Variants in GRIK1 observed in about 807,000 individuals in gnomAD.
The protein encoded by GRIK1 is glutamate receptor ionotropic, kainate 1.
GRIK1 carries 69 observed loss-of-function variants against 105.7 expected under a neutral mutation model. The observed-to-expected ratio is 0.65, with a 90% CI of 0.54 to 0.80. GRIK1 has a LOEUF of 0.80. Among genes scored for constraint, GRIK1 ranks in the 30% least tolerant of loss-of-function variants. The probability of loss-of-function intolerance (pLI) is 0.00; values close to 1 mark genes in which losing one functional copy is unlikely to be tolerated. For missense variants in GRIK1, 1,109 were observed against 1,167.3 expected, an observed-to-expected ratio of 0.95 and a Z score of 0.73; for synonymous variants, 438 against 431.3, an observed-to-expected ratio of 1.02 and a Z score of -0.19.
chr21:29,664,135 C>G (rs1048463017), intron 4 of GRIK1, among the ~76,000 whole-genome samples: 1 of 152,042 alleles, frequency 6.6e-6, no homozygotes, highest in South Asian at 2.1e-4. Flanking sequence ...GGGGGAAGAA[C>G]AAAGAGGATG....
chr21:29,735,929 G>T (rs796561991), intron 1 of GRIK1, among the ~76,000 whole-genome samples: 14 of 151,304 alleles, frequency 9.3e-5, no homozygotes, highest in African/African-American at 3.1e-4. Flanking sequence ...ATAAGTGAAA[G>T]AAGTTAAGCA....
At chr21:29,750,832 T>C (rs1469848027) in intron 1 of GRIK1, among the ~76,000 whole-genome samples, 1 of 152,006 alleles carries the variant, frequency 6.6e-6, no homozygotes, top group Non-Finnish European at 1.5e-5. Context: ...GGTTTGATAT[T>C]TTCACTCTCG....
intron 14 of GRIK1, among the ~76,000 whole-genome samples, chr21:29,568,946 G>A (rs140926064): frequency 6.8e-4 from 104 of 152,326 alleles, no homozygotes; most frequent in African/African-American, 2.3e-3. Flanking sequence ...TTTCTTGTCT[G>A]CATTCTAAGG....
intron 1 of GRIK1, among the ~76,000 whole-genome samples, chr21:29,911,214 A>G (rs1234262491): frequency 6.6e-6 from 1 of 152,130 alleles, no homozygotes; most frequent in Non-Finnish European, 1.5e-5. Context: ...ATTCAAAAAG[A>G]GAGAAAGTGG....
At chr21:29,682,073 G>A (rs1325540924) in intron 3 of GRIK1, among the ~76,000 whole-genome samples, 1 of 152,182 alleles carries the variant, frequency 6.6e-6, no homozygotes, top group Admixed American at 6.5e-5. Context: ...GGGTCAGGGT[G>A]TTAAATATTT....
chr21:29,644,416 C>T (rs569106707), intron 6 of GRIK1, among the ~76,000 whole-genome samples: 6 of 152,136 alleles, frequency 3.9e-5, no homozygotes, highest in African/African-American at 9.6e-5. Context: ...TGTTCACTGA[C>T]GAAGTTAATA....
chr21:29,581,638 A>G (rs961405068), intron 12 of GRIK1, 95 bp from the exon 13 acceptor site: 2 of 688,032 alleles, frequency 2.9e-6, no homozygotes, highest in Admixed American at 4.9e-5. Context: ...AAAACCCAAC[A>G]ATTAATCACA....
chr21:29,631,246 C>A (rs1248922058), intron 7 of GRIK1, among the ~76,000 whole-genome samples: 11 of 152,120 alleles, frequency 7.2e-5, no homozygotes, highest in Non-Finnish European at 1.3e-4. Flanking sequence ...TGTGTACCCC[C>A]ACATTTATAT....
At position 29,930,601 on chromosome 21, in the gene GRIK1, A is replaced by G. The variant is rs113387637; in HGVS notation, c.118+8782T>C. Among the ~76,000 whole-genome samples the G allele has an allele frequency of 3.2e-3, 483 of 152,330 alleles. 5 individuals carry two copies. Among genetic ancestry groups the G allele is most frequent in the African/African-American group, 0.011 (459 of 41,580 alleles). On this transcript the variant is annotated intron_variant, in intron 1 of 17. Coordinates refer to ENST00000327783, the MANE Select transcript of GRIK1 (RefSeq NM_001330994.2). ...ATTTAAAGACATCAGCACTTAAAGC[A>G]TCTGACAGAATGTTACAATGCTTGC...
intron 3 of GRIK1, among the ~76,000 whole-genome samples, chr21:29,680,961 A>C (rs1479080443): frequency 1.3e-5 from 2 of 152,032 alleles, no homozygotes; most frequent in East Asian, 3.9e-4. Flanking sequence ...AGTGAAACCC[A>C]GTCTCTACCA....
chr21:29,589,069 A>C lies in GRIK1; in HGVS notation c.1366-27T>G, dbSNP rs199721910. 6.5e-4 allele frequency: 802 copies of C among 1,234,320 alleles called. 7 individuals are homozygous for C. In the Middle Eastern group the frequency reaches 0.019, roughly 29 times the overall value. The allele number at this position is 1,234,320 out of a possible 1,614,324, so 76.5% of individuals were successfully genotyped here. ...TAAATGAAACAAACCAAATATGAAA[A>C]CCCTGTTATAATGAAAGGAAGAGTT... On this transcript the variant is annotated intron_variant, in intron 10 of 17. Coordinates refer to ENST00000327783, the MANE Select transcript of GRIK1 (RefSeq NM_001330994.2).
chr21:29,745,672 C>G (rs2065031346), intron 1 of GRIK1, among the ~76,000 whole-genome samples: 1 of 152,186 alleles, frequency 6.6e-6, no homozygotes, highest in African/African-American at 2.4e-5. Flanking sequence ...GACTTTAATT[C>G]CTGGCATTTA....
rs376748572 is a variant in GRIK1 at position 29,576,988 on chromosome 21, A to C, written c.2106T>G (p.Asp702Glu). The change falls in exon 14 of 18, where the codon GAT (aspartate) becomes GAG (glutamate). Residue 702 changes from aspartate to glutamate, a missense_variant. By Grantham distance (45) the Asp-to-Glu change is conservative. Transcript: ENST00000327783. ...QTKIEYGAVRDGSTMTFFKKS... is the reference protein window; with the variant it reads ...QTKIEYGAVREGSTMTFFKKS... ...CCTTGAAGAAGGTCATTGTTGATCCATCTCTAACCGCCCCATATTCTATCT... is the reference window on the plus strand; with the variant it reads ...CCTTGAAGAAGGTCATTGTTGATCCCTCTCTAACCGCCCCATATTCTATCT... 2.5e-6 allele frequency: 4 copies of C among 1,610,376 alleles called. No homozygotes were observed. The highest frequency in any genetic ancestry group is 3.4e-6 in the Non-Finnish European group (4 of 1,177,154).
chr21:29,602,114 T>A (rs2061530508), intron 7 of GRIK1, among the ~76,000 whole-genome samples: 1 of 152,190 alleles, frequency 6.6e-6, no homozygotes, highest in African/African-American at 2.4e-5. Flanking sequence ...ATTTTGTCCC[T>A]TTTTTAGGCC....
chr21:29,674,952 C>T (rs1324039048), intron 3 of GRIK1, among the ~76,000 whole-genome samples: 2 of 152,174 alleles, frequency 1.3e-5, no homozygotes, highest in East Asian at 1.9e-4. Context: ...CTTATAATCA[C>T]CTGCTTGTCT....
chr21:29,918,414 G>T (rs2071077036), intron 1 of GRIK1, among the ~76,000 whole-genome samples: 1 of 152,016 alleles, frequency 6.6e-6, no homozygotes, highest in African/African-American at 2.4e-5. Context: ...GCTAAGAGAG[G>T]CTGTGCAATT....
At chr21:29,737,850 A>C (rs1255874964) in intron 1 of GRIK1, among the ~76,000 whole-genome samples, 2 of 152,264 alleles carry the variant, frequency 1.3e-5, no homozygotes, top group Non-Finnish European at 2.9e-5. Context: ...TCTGAGACAC[A>C]AGTCTGGGAA....
At chr21:29,912,410 C>T (rs2070849691) in intron 1 of GRIK1, among the ~76,000 whole-genome samples, 1 of 152,036 alleles carries the variant, frequency 6.6e-6, no homozygotes, top group Non-Finnish European at 1.5e-5. Context: ...TTCTCCCCTA[C>T]ACAGAAACAT....
chr21:29,581,591 G>A (rs1216535311), intron 12 of GRIK1, 48 bp from the exon 13 acceptor site: 1 of 1,134,700 alleles, frequency 8.8e-7, no homozygotes, highest in African/African-American at 1.5e-5. Flanking sequence ...GAAACACACA[G>A]GACACCAGCA....
Sources: allele counts gnomAD v4.1 joint callset (sites outside exome capture counted in the v4.1 genomes callset), GRCh38; gene constraint gnomAD v4.1.1; transcripts MANE v1.5; gene names NCBI Gene and HGNC (gene_info 2026-07-23, HGNC 2026-07-21).